Variants in CNTN5 observed in about 807,000 individuals in gnomAD.
The protein encoded by CNTN5 is contactin 5, also known as contactin-5.
In CNTN5, 77 loss-of-function variants were observed where a neutral mutation model predicts 129.1. The ratio of observed to expected loss-of-function variants is 0.60; its 90% confidence interval spans 0.50 to 0.72. CNTN5 has a LOEUF of 0.72. Among genes scored for constraint, CNTN5 ranks in the 30% least tolerant of loss-of-function variants. CNTN5 has a pLI of 0.00. For synonymous variants in CNTN5, 509 were observed against 465.6 expected (o/e 1.09, Z -1.20); for missense variants, 1,478 against 1,328.8 (o/e 1.11, Z -1.75).
rs1555119939 is a variant in CNTN5, at chr11:99,358,264, T to TTTTTTC, written c.-71+32785_-71+32786insCTTTTT. ...CCACCACGCCCTGCTGATTTTTTTT[T>TTTTTTC]TTTTTTTTTTTAGTAGAGATGGGGT... is the stretch of plus-strand genomic sequence containing the variant. On this transcript the variant is annotated intron_variant, in intron 2 of 24. Coordinates refer to ENST00000524871, the MANE Select transcript of CNTN5 (RefSeq NM_014361.4). Among the ~76,000 whole-genome samples, 6 of 110,776 alleles carry TTTTTTC rather than the reference T, an allele frequency of 5.4e-5. 2 individuals carry two copies. The highest frequency in any genetic ancestry group is 1.9e-4 in the African/African-American group (6 of 30,770). 72.7% of individuals were successfully genotyped at this position (110,776 alleles called of 152,430 possible).
At chr11:99,478,337 G>T (rs1245770013) in intron 2 of CNTN5, among the ~76,000 whole-genome samples, 2 of 152,120 alleles carry the variant, frequency 1.3e-5, no homozygotes, top group East Asian at 3.9e-4. Flanking sequence ...TCTTTGGCTG[G>T]GGGCCCACCC....
intron 16 of CNTN5, among the ~76,000 whole-genome samples, chr11:100,228,491 C>G (rs1223532730): frequency 6.6e-6 from 1 of 152,294 alleles, no homozygotes; most frequent in Middle Eastern, 3.4e-3. Flanking sequence ...CAATTCAGTT[C>G]CATTTATTAT....
chr11:100,338,256 G>C (rs1377651205), intron 21 of CNTN5, among the ~76,000 whole-genome samples: 1 of 152,118 alleles, frequency 6.6e-6, no homozygotes, highest in Non-Finnish European at 1.5e-5. Context: ...TGTCGTGGTA[G>C]TTAAAATGTT....
chr11:100,057,859 T>C (rs1943299821), intron 9 of CNTN5, among the ~76,000 whole-genome samples: 1 of 152,046 alleles, frequency 6.6e-6, no homozygotes, highest in African/African-American at 2.4e-5. Flanking sequence ...TATTGTAAAC[T>C]AGGGTTTTTT....
chr11:100,239,050 G>C (rs1039014617), intron 16 of CNTN5, among the ~76,000 whole-genome samples: 2 of 152,116 alleles, frequency 1.3e-5, no homozygotes, highest in African/African-American at 4.8e-5. Flanking sequence ...TCACCATTAG[G>C]GCCATCTCAG....
chr11:99,490,199 A>G (rs1294509208), intron 2 of CNTN5, among the ~76,000 whole-genome samples: 1 of 152,208 alleles, frequency 6.6e-6, no homozygotes, highest in Non-Finnish European at 1.5e-5. Flanking sequence ...ATAATATTAT[A>G]AGAAAGAAGT....
chr11:99,514,579 A>G (rs1565248795), intron 2 of CNTN5, among the ~76,000 whole-genome samples: 2 of 152,064 alleles, frequency 1.3e-5, no homozygotes, highest in Non-Finnish European at 2.9e-5. Flanking sequence ...ACCCAATAAC[A>G]TTAAGGCAGG....
intron 1 of CNTN5, among the ~76,000 whole-genome samples, chr11:99,122,692 TCTCA>T (rs1858406462): frequency 1.3e-5 from 2 of 152,074 alleles, no homozygotes. Flanking sequence ...TTTTTGATCC[TCTCA>T]CTCCTCACGC....
At chr11:99,282,314 C>T (rs1478279067) in intron 1 of CNTN5, among the ~76,000 whole-genome samples, 1 of 151,784 alleles carries the variant, frequency 6.6e-6, no homozygotes, top group Non-Finnish European at 1.5e-5. Flanking sequence ...CATTGTGGGG[C>T]CATGCTGAGT....
At chr11:99,759,050 A>G (rs1461082611) in intron 3 of CNTN5, among the ~76,000 whole-genome samples, 1 of 152,080 alleles carries the variant, frequency 6.6e-6, no homozygotes, top group Non-Finnish European at 1.5e-5. Context: ...TTAAGTCGGT[A>G]CAAGTTGCTT....
intron 16 of CNTN5, among the ~76,000 whole-genome samples, chr11:100,252,217 T>C (rs1303772992): frequency 1.3e-5 from 2 of 152,168 alleles, no homozygotes; most frequent in East Asian, 3.8e-4. Context: ...TGTGTCTTCT[T>C]TTGATAAATG....
intron 2 of CNTN5, among the ~76,000 whole-genome samples, chr11:99,418,893 A>AT (rs1489941361): frequency 1.3e-5 from 2 of 152,180 alleles, no homozygotes; most frequent in Non-Finnish European, 1.5e-5. Flanking sequence ...ACCTGTGTGA[A>AT]TTGTGGAAAA....
intron 6 of CNTN5, among the ~76,000 whole-genome samples, chr11:99,882,818 C>T (rs1042213261): frequency 6.6e-6 from 1 of 152,094 alleles, no homozygotes; most frequent in South Asian, 2.1e-4. Context: ...TTCTTTCTGA[C>T]TACTTTTTTT....
chr11:99,309,327 A>G (rs1246150951), intron 1 of CNTN5, among the ~76,000 whole-genome samples: 1 of 151,596 alleles, frequency 6.6e-6, no homozygotes, highest in Non-Finnish European at 1.5e-5. Context: ...TTGTTCTGGT[A>G]GGCACCTTGA....
At chr11:99,401,787 GT>G (rs373693303) in intron 2 of CNTN5, among the ~76,000 whole-genome samples, 5,398 of 151,816 alleles carry the variant, frequency 0.036, 141 homozygotes, top group South Asian at 0.067. Flanking sequence ...CATTATGGAG[GT>G]TTTTTTCCTT....
intron 6 of CNTN5, among the ~76,000 whole-genome samples, chr11:99,912,910 T>C (rs1458005172): frequency 6.6e-6 from 1 of 152,048 alleles, no homozygotes; most frequent in Non-Finnish European, 1.5e-5. Context: ...ACCTGAATTT[T>C]AGAGTCTTCG....
At chr11:99,903,087 C>G (rs1949401742) in intron 6 of CNTN5, among the ~76,000 whole-genome samples, 1 of 151,970 alleles carries the variant, frequency 6.6e-6, no homozygotes, top group Non-Finnish European at 1.5e-5. Flanking sequence ...CTTGATTAAA[C>G]TATACAACAG....
chr11:99,136,201 T>A (rs984359691), intron 1 of CNTN5, among the ~76,000 whole-genome samples: 2 of 152,156 alleles, frequency 1.3e-5, no homozygotes, highest in Admixed American at 1.3e-4. Flanking sequence ...CTCTCTCACT[T>A]GACAATCTTG....
At chr11:99,642,981 C>T (rs1275406812) in intron 3 of CNTN5, among the ~76,000 whole-genome samples, 2 of 152,120 alleles carry the variant, frequency 1.3e-5, no homozygotes, top group African/African-American at 4.8e-5. Context: ...TGTTTTTTCA[C>T]CCATTTACCT....
Sources: allele counts gnomAD v4.1 joint callset (sites outside exome capture counted in the v4.1 genomes callset), GRCh38; gene constraint gnomAD v4.1.1; transcripts MANE v1.5; gene names NCBI Gene and HGNC (gene_info 2026-07-23, HGNC 2026-07-21).